FBLN1: variants seen among roughly 807,000 people sequenced by gnomAD.
The protein encoded by FBLN1 is fibulin-1.
In FBLN1, 34 loss-of-function variants were observed where a neutral mutation model predicts 89.7. The ratio of observed to expected loss-of-function variants is 0.38; its 90% confidence interval spans 0.29 to 0.50. The LOEUF (loss-of-function observed/expected upper bound fraction) is 0.50, where lower values mean the gene tolerates loss of function less well. Among genes scored for constraint, FBLN1 ranks in the 20% least tolerant of loss-of-function variants. The pLI, the probability that FBLN1 is intolerant of heterozygous loss-of-function variation, is 0.92. For missense variants in FBLN1, 777 were observed against 988.1 expected, an observed-to-expected ratio of 0.79 and a Z score of 2.86; for synonymous variants, 393 against 391.3, an observed-to-expected ratio of 1.00 and a Z score of -0.05.
rs1247269126 is a variant in FBLN1 at position 45,574,389 on chromosome 22, G to T, written c.1698-122G>T. On this transcript the variant is annotated intron_variant, in intron 14 of 16. Coordinates refer to ENST00000327858, the MANE Select transcript of FBLN1 (RefSeq NM_006486.3). The surrounding 1 kb of genome is among the most constrained non-coding windows in gnomAD (Gnocchi z 4.1). ...CAGAGACCACTGTCGTTCTCTGATG[G>T]AGCTGTCTCTGGGACAGATGCCCCT... The T allele has an allele frequency of 1.9e-6, 2 of 1,038,092 alleles. No homozygotes were observed. The highest frequency in any genetic ancestry group is 2.9e-6 in the Non-Finnish European group (2 of 685,478). The allele number at this position is 1,038,092 out of a possible 1,614,324, so 64.3% of individuals were successfully genotyped here.
chr22:45,579,471 C>CAGTT lies in FBLN1; in HGVS notation c.1972+2364_1972+2367dup, dbSNP rs2089025309. Among the ~76,000 whole-genome samples the CAGTT allele has an allele frequency of 6.6e-6, 1 of 152,262 alleles. No homozygotes were observed. Among genetic ancestry groups the CAGTT allele is most frequent in the Non-Finnish European group, 1.5e-5 (1 of 68,044 alleles). On this transcript the variant is annotated intron_variant, in intron 16 of 16. Transcript: ENST00000327858. This position sits in a 1 kb window ranked among gnomAD's most constrained non-coding sequence, Gnocchi z 5.5. ...AAGGACCCAGCGGCTTCCCCCGGCA[C>CAGTT]AGTTGGTCACGGGTGCCCTGGTCTT...
intron 1 of FBLN1, among the ~76,000 whole-genome samples, chr22:45,514,112 C>G (rs1468141468): frequency 6.6e-6 from 1 of 151,976 alleles, no homozygotes; most frequent in Non-Finnish European, 1.5e-5. Context: ...GGGACAGAGA[C>G]AACTTTTTTT....
chr22:45,574,986 G>T lies in FBLN1; in HGVS notation c.1840+333G>T, dbSNP rs1282741414. On this transcript the variant is annotated intron_variant, in intron 15 of 16. Transcript: ENST00000327858. This position sits in a 1 kb window ranked among gnomAD's most constrained non-coding sequence, Gnocchi z 4.1. ...TTTAGTAAAGACGGGGTTTCACCGT[G>T]TTCGCCAGGATGGTCTCAATCTCCT... 2.0e-5 allele frequency among the ~76,000 whole-genome samples: 3 copies of T among 151,982 alleles called. No homozygotes were observed. Among genetic ancestry groups the T allele is most frequent in the Non-Finnish European group, 4.4e-5 (3 of 67,982 alleles).
Position 45,579,603 on chromosome 22 carries a change from C to T in FBLN1, c.1972+2495C>T, listed in dbSNP as rs1161122193. ...GGAGGCCCCTGCCTCTTCCACGCCTCGGTCTGTGTGCAGGATGCCCCACCT... is the reference window on the plus strand; with the variant it reads ...GGAGGCCCCTGCCTCTTCCACGCCTTGGTCTGTGTGCAGGATGCCCCACCT... On this transcript the variant is annotated intron_variant, in intron 16 of 16. Coordinates refer to ENST00000327858, the MANE Select transcript of FBLN1 (RefSeq NM_006486.3). This position sits in a 1 kb window ranked among gnomAD's most constrained non-coding sequence, Gnocchi z 5.5. Among the ~76,000 whole-genome samples the T allele has an allele frequency of 2.0e-5, 3 of 152,188 alleles. No individual in the cohort carries two copies. The highest frequency in any genetic ancestry group is 1.3e-4 in the Admixed American group (2 of 15,286).
At chr22:45,548,982 C>T (rs529438091) in intron 13 of FBLN1, among the ~76,000 whole-genome samples, 6 of 152,310 alleles carry the variant, frequency 3.9e-5, no homozygotes, top group Admixed American at 2.0e-4. Flanking sequence ...GAGCCTGTGG[C>T]GGCTGCATCC....
At chr22:45,511,318 T>C (rs145711136) in intron 1 of FBLN1, among the ~76,000 whole-genome samples, 21 of 145,076 alleles carry the variant, frequency 1.4e-4, no homozygotes, top group African/African-American at 5.4e-4. Flanking sequence ...CCATGCCTGG[T>C]TAATTTTGTA....
intron 2 of FBLN1, chr22:45,523,291 A>T: frequency 1.7e-6 from 1 of 601,494 alleles, no homozygotes. Context: ...AAGGGTAACC[A>T]GGTGGCTGAG....
chr22:45,535,276 C>T lies in FBLN1; in HGVS notation c.861C>T (p.Arg287=), dbSNP rs551195879. Residue 287 remains arginine, a synonymous_variant, in exon 8 of 17, where the codon CGC becomes CGT. Transcript: ENST00000327858. ...GTCAGAATACTCTGGGATCCTTCCG[C>T]TGCCGACCCAAGCTACAGTGCAAGA... The part of the protein sequence containing the change: ...FICQNTLGSF[R]CRPKLQCKSG... 1.9e-6 allele frequency: 3 copies of T among 1,614,248 alleles called. No individual in the cohort carries two copies. In the South Asian group the frequency reaches 3.3e-5, roughly 18 times the overall value.
chr22:45,529,823 C>T (rs1417953953), intron 4 of FBLN1, among the ~76,000 whole-genome samples: 2 of 152,210 alleles, frequency 1.3e-5, no homozygotes, highest in South Asian at 2.1e-4. Flanking sequence ...GCCGAGATGG[C>T]GCCATTGCAT....
At chr22:45,587,894 T>A (rs2089102165) in intron 16 of FBLN1, among the ~76,000 whole-genome samples, 1 of 152,106 alleles carries the variant, frequency 6.6e-6, no homozygotes, top group African/African-American at 2.4e-5. Flanking sequence ...TGCAGCTCCT[T>A]CTTTTGTGCT....
intron 7 of FBLN1, 54 bp downstream of exon 7, chr22:45,533,952 G>C: frequency 6.2e-7 from 1 of 1,609,186 alleles, no homozygotes; most frequent in Admixed American, 1.7e-5. Flanking sequence ...TAGATACGGC[G>C]CGGTGGGAAG....
chr22:45,557,245 T>C lies in FBLN1; in HGVS notation c.1697+6630T>C, dbSNP rs1569255385. Among the ~76,000 whole-genome samples, 1 of 152,154 alleles carries C rather than the reference T, an allele frequency of 6.6e-6. No individual in the cohort carries two copies. The highest frequency in any genetic ancestry group is 1.5e-5 in the Non-Finnish European group (1 of 68,008). On this transcript the variant is annotated intron_variant, in intron 14 of 16. Transcript: ENST00000327858. The surrounding 1 kb of genome is among the most constrained non-coding windows in gnomAD (Gnocchi z 4.9). ...CCATGAGGGTGGATAAGGCATTCTG[T>C]GAACCCACGGATGGTAGTCTTGGCA...
chr22:45,532,782 C>T lies in FBLN1; in HGVS notation c.545-281C>T, dbSNP rs136742. 471,481 of 532,958 alleles carry T rather than the reference C, an allele frequency of 0.88. 209,012 individuals are homozygous for T. Among genetic ancestry groups the T allele is most frequent in the East Asian group, 0.96 (28,711 of 29,968 alleles). 33.0% of individuals were successfully genotyped at this position (532,958 alleles called of 1,614,324 possible). ...ACCGGCAGTGAGCTCTTCTCTGCTTCGCCCCTTCCAGGTCCACCCCAGCCT... is the reference window on the plus strand; with the variant it reads ...ACCGGCAGTGAGCTCTTCTCTGCTTTGCCCCTTCCAGGTCCACCCCAGCCT... On this transcript the variant is annotated intron_variant, in intron 5 of 16. Transcript: ENST00000327858. This position sits in a 1 kb window ranked among gnomAD's most constrained non-coding sequence, Gnocchi z 4.2.
rs2088785902 is a variant in FBLN1, at chr22:45,556,180, G to C, written c.1697+5565G>C. Among the ~76,000 whole-genome samples, 1 of 152,144 alleles carries C rather than the reference G, an allele frequency of 6.6e-6. No homozygotes were observed. The highest frequency in any genetic ancestry group is 1.5e-5 in the Non-Finnish European group (1 of 68,028). Reference sequence around the variant, plus strand: ...CCAGCTAATTTTTCTATTTTAAGTAGAGATGGGGTTTCACCATGTGGGTCA... The same window carrying C: ...CCAGCTAATTTTTCTATTTTAAGTACAGATGGGGTTTCACCATGTGGGTCA... On this transcript the variant is annotated intron_variant, in intron 14 of 16. Coordinates refer to ENST00000327858, the MANE Select transcript of FBLN1 (RefSeq NM_006486.3). The surrounding 1 kb of genome is among the most constrained non-coding windows in gnomAD (Gnocchi z 4.6).
Position 45,576,873 on chromosome 22 carries a change from TG to T in FBLN1, c.1841-101del. 1 of 1,412,602 alleles carries T rather than the reference TG, an allele frequency of 7.1e-7. No individual in the cohort carries two copies. The highest frequency in any genetic ancestry group is 2.3e-5 in the East Asian group (1 of 42,938). 87.5% of individuals were successfully genotyped at this position (1,412,602 alleles called of 1,614,324 possible). Reference sequence around the variant, plus strand: ...TTGATGTTGTCTCATGAAAGGGCCCTGGGTTAGGTCTTCATTCCCCAAGGGT... The same window carrying T: ...TTGATGTTGTCTCATGAAAGGGCCCTGGTTAGGTCTTCATTCCCCAAGGGT... On this transcript the variant is annotated intron_variant, in intron 15 of 16. Transcript: ENST00000327858. This position sits in a 1 kb window ranked among gnomAD's most constrained non-coding sequence, Gnocchi z 5.2.
rs1193479596 is a variant in FBLN1, at chr22:45,566,536, G to T, written c.1698-7975G>T. Among the ~76,000 whole-genome samples, 6 of 152,334 alleles carry T rather than the reference G, an allele frequency of 3.9e-5. No individual in the cohort carries two copies. The East Asian group carries it at 1.2e-3, about 29-fold the overall frequency. On this transcript the variant is annotated intron_variant, in intron 14 of 16. Transcript: ENST00000327858. Reference sequence around the variant, plus strand: ...GAGCAGGAGGTTGAATTTCCTTCTTGCCATTTACTAGTTCTGTGACCCTGG... The same window carrying T: ...GAGCAGGAGGTTGAATTTCCTTCTTTCCATTTACTAGTTCTGTGACCCTGG...
intron 14 of FBLN1, among the ~76,000 whole-genome samples, chr22:45,552,467 C>G (rs560948814): frequency 1.3e-5 from 2 of 152,344 alleles, no homozygotes; most frequent in Admixed American, 6.5e-5. Context: ...GCTAACCCCT[C>G]AGACTGGAGT....
At chr22:45,525,945 G>A (rs548254666) in intron 3 of FBLN1, among the ~76,000 whole-genome samples, 21 of 152,334 alleles carry the variant, frequency 1.4e-4, no homozygotes, top group African/African-American at 4.6e-4. Flanking sequence ...CCTGAGAACC[G>A]CCTGTCTCCA....
rs2089103965 is a variant in FBLN1, at chr22:45,588,088, T to C, written c.1972+10980T>C. Among the ~76,000 whole-genome samples the C allele has an allele frequency of 6.6e-6, 1 of 152,126 alleles. No homozygotes were observed. On this transcript the variant is annotated intron_variant, in intron 16 of 16. Transcript: ENST00000327858. The surrounding 1 kb of genome is among the most constrained non-coding windows in gnomAD (Gnocchi z 5.1). The stretch of plus-strand genomic sequence containing the variant: ...AGGAGTACACGAGAAACAAGCATAA[T>C]ATATACACGGTCAGATGGTAGTGAG...
Sources: gnomAD v4.1 joint callset for allele counts (sites outside exome capture counted in the v4.1 genomes callset) on GRCh38, gnomAD v4.1.1 for gene constraint, Gnocchi (gnomAD v3.1) non-coding constraint, MANE v1.5 for transcripts, NCBI Gene and HGNC (gene_info 2026-07-23, HGNC 2026-07-21) for gene names.